SUSD4: variants seen among roughly 807,000 people sequenced by gnomAD.
The protein encoded by SUSD4 is sushi domain containing 4.
A neutral mutation model predicts 50.5 loss-of-function variants in SUSD4; 41 were observed. The observed-to-expected ratio is 0.81, with a 90% CI of 0.63 to 1.05. The LOEUF (loss-of-function observed/expected upper bound fraction) is 1.05. Ranked by LOEUF, SUSD4 falls within the 50% of genes least tolerant of loss-of-function variation. SUSD4 has a pLI of 0.00. For missense variants in SUSD4, 580 were observed against 634.7 expected (o/e 0.91, Z 0.93); for synonymous variants, 257 against 257.3 (o/e 1.00, Z 0.01).
intron 2 of SUSD4, among the ~76,000 whole-genome samples, chr1:223,338,054 C>T (rs1399811412): frequency 6.6e-6 from 1 of 152,170 alleles, no homozygotes; most frequent in Non-Finnish European, 1.5e-5. Flanking sequence ...ATCTGCCAGG[C>T]TAATGCAAAA....
intron 2 of SUSD4, among the ~76,000 whole-genome samples, chr1:223,343,717 A>C (rs777044072): frequency 5.9e-5 from 9 of 152,210 alleles, no homozygotes; most frequent in African/African-American, 9.7e-5. Context: ...AAAATTCAAC[A>C]ATGAATATGC....
At chr1:223,235,072 G>A in intron 5 of SUSD4, 16 of 1,606,290 alleles carry the variant, frequency 1.0e-5, no homozygotes, top group Middle Eastern at 3.3e-4. Flanking sequence ...GGAAATAAAG[G>A]ACAGGGAAAA....
chr1:223,239,939 A>T (rs1660467860), intron 5 of SUSD4, among the ~76,000 whole-genome samples: 1 of 152,042 alleles, frequency 6.6e-6, no homozygotes, highest in African/African-American at 2.4e-5. Flanking sequence ...TCTCTAAAGA[A>T]CTTCTTTTAA....
At chr1:223,225,434 C>A (rs1659453328) in intron 7 of SUSD4, among the ~76,000 whole-genome samples, 1 of 152,152 alleles carries the variant, frequency 6.6e-6, no homozygotes, top group Admixed American at 6.5e-5. Flanking sequence ...CCTTGTCCCG[C>A]AGCTCTTAAA....
At position 223,359,473 on chromosome 1, in the gene SUSD4, C is replaced by T. The variant is rs182084032; in HGVS notation, c.148+3805G>A. ...CTAGAGCCTTTCCTGATTTTCCTTC[C>T]AACCTCATAGGCTACCATTAATTGG... On this transcript the variant is annotated intron_variant, in intron 2 of 8. Transcript: ENST00000366878. 3.7e-4 allele frequency among the ~76,000 whole-genome samples: 56 copies of T among 152,316 alleles called. 1 individual carries two copies. The highest frequency in any genetic ancestry group is 1.7e-3 in the Admixed American group (26 of 15,304).
intron 2 of SUSD4, among the ~76,000 whole-genome samples, chr1:223,342,539 C>T (rs878974706): frequency 7.2e-5 from 11 of 152,130 alleles, no homozygotes; most frequent in African/African-American, 2.7e-4. Flanking sequence ...TAGTGTGGTT[C>T]TGGCACAGGA....
chr1:223,276,672 T>C (rs574572553), intron 3 of SUSD4, among the ~76,000 whole-genome samples: 44 of 152,360 alleles, frequency 2.9e-4, no homozygotes, highest in Admixed American at 2.9e-3. Flanking sequence ...AGGGAGCAAG[T>C]ACAGGATAGC....
At chr1:223,239,108 T>A (rs2103018324) in intron 5 of SUSD4, among the ~76,000 whole-genome samples, 1 of 152,198 alleles carries the variant, frequency 6.6e-6, no homozygotes, top group South Asian at 2.1e-4. Context: ...ATAACTTTCC[T>A]TGCTATAAAG....
In SUSD4 at chr1:223,226,305, C is replaced by T. The variant is rs75244452; in HGVS notation, c.1061+1289G>A. ...AGGAAGGAAGGTTTCAGCATCTTAG[C>T]AAGAGCTTGCTATGGCACCAGGATG... On this transcript the variant is annotated intron_variant, in intron 7 of 8. Transcript: ENST00000366878. Among the ~76,000 whole-genome samples the T allele has an allele frequency of 4.7e-3, 715 of 152,324 alleles. 27 individuals are homozygous for T. In the East Asian group the frequency reaches 0.096, roughly 20 times the overall value.
At chr1:223,252,116 G>A (rs1661354909) in intron 5 of SUSD4, among the ~76,000 whole-genome samples, 1 of 149,604 alleles carries the variant, frequency 6.7e-6, no homozygotes, top group African/African-American at 2.5e-5. Flanking sequence ...TATACCTAAT[G>A]TAAACGACGA....
intron 3 of SUSD4, among the ~76,000 whole-genome samples, chr1:223,284,454 A>T (rs1279483749): frequency 6.6e-6 from 1 of 152,244 alleles, no homozygotes; most frequent in African/African-American, 2.4e-5. Flanking sequence ...TGGGAAATTC[A>T]GCCTCTCAGA....
chr1:223,275,891 G>A lies in SUSD4; in HGVS notation c.362-7216C>T, dbSNP rs1298082146. ...AGGTGTCTCAGACAAATGTAATAAA[G>A]AAAAACAGAACCTAATCCGCGCAAG... On this transcript the variant is annotated intron_variant, in intron 3 of 8. Coordinates refer to ENST00000366878, the MANE Select transcript of SUSD4 (RefSeq NM_017982.4). Among the ~76,000 whole-genome samples the A allele has an allele frequency of 8.5e-5, 13 of 152,206 alleles. No individual in the cohort carries two copies. In the East Asian group the frequency reaches 1.5e-3, roughly 18 times the overall value.
chr1:223,279,946 A>G (rs1167882550), intron 3 of SUSD4, among the ~76,000 whole-genome samples: 1 of 152,192 alleles, frequency 6.6e-6, no homozygotes, highest in African/African-American at 2.4e-5. Context: ...ATTCTTAAAG[A>G]AAAGAATTTT....
chr1:223,339,126 C>T (rs61838241), intron 2 of SUSD4, among the ~76,000 whole-genome samples: 6 of 151,818 alleles, frequency 4.0e-5, no homozygotes, highest in Non-Finnish European at 7.4e-5. Flanking sequence ...AGGAGGAGAC[C>T]GTTTCAAGAA....
intron 2 of SUSD4, among the ~76,000 whole-genome samples, chr1:223,297,304 C>T (rs576751895): frequency 6.6e-6 from 1 of 152,304 alleles, no homozygotes; most frequent in South Asian, 2.1e-4. Context: ...GAGGCAGCTG[C>T]TCATGGACTA....
In SUSD4 at chr1:223,231,432, A is replaced by G. The variant is rs976618018; in HGVS notation, c.725-2044T>C. Among the ~76,000 whole-genome samples, 1 of 152,186 alleles carries G rather than the reference A, an allele frequency of 6.6e-6. No homozygotes were observed. Among genetic ancestry groups the G allele is most frequent in the African/African-American group, 2.4e-5 (1 of 41,442 alleles). ...CCCACAGGTGGACACTGGCAGAGACAGGCTTTGAGCTCTGACTCTGAGGCC... is the reference window on the plus strand; with the variant it reads ...CCCACAGGTGGACACTGGCAGAGACGGGCTTTGAGCTCTGACTCTGAGGCC... On this transcript the variant is annotated intron_variant, in intron 5 of 8. Transcript: ENST00000366878. The surrounding 1 kb of genome is among the most constrained non-coding windows in gnomAD (Gnocchi z 4.2).
intron 2 of SUSD4, among the ~76,000 whole-genome samples, chr1:223,351,117 G>A (rs1397280114): frequency 6.6e-6 from 1 of 152,220 alleles, no homozygotes; most frequent in East Asian, 1.9e-4. Context: ...TACAGAAGAG[G>A]AAACTGAGGC....
chr1:223,286,991 A>G (rs1318116903), intron 3 of SUSD4, among the ~76,000 whole-genome samples: 1 of 152,190 alleles, frequency 6.6e-6, no homozygotes, highest in African/African-American at 2.4e-5. Context: ...TTTGAGCCAG[A>G]GCCTGTGGCT....
chr1:223,221,905 C>A lies in SUSD4; in HGVS notation c.*287G>T. ...GATGTGCGTGGAATTGTCCCATGTT[C>A]CACAGCACGATACACATTTAACACC... On this transcript the variant is annotated 3_prime_UTR_variant, in exon 9 of 9. Transcript: ENST00000366878. 2.7e-6 allele frequency: 1 copy of A among 365,810 alleles called. No individual in the cohort carries two copies. Among genetic ancestry groups the A allele is most frequent in the Non-Finnish European group, 4.9e-6 (1 of 204,680 alleles). 22.7% of individuals were successfully genotyped at this position (365,810 alleles called of 1,614,324 possible). A position where few individuals can be genotyped will look rare whatever the true frequency, so the allele number is the denominator to read the frequency against.
Sources: gnomAD v4.1 joint callset for allele counts (sites outside exome capture counted in the v4.1 genomes callset) on GRCh38, gnomAD v4.1.1 for gene constraint, Gnocchi (gnomAD v3.1) non-coding constraint, MANE v1.5 for transcripts, NCBI Gene and HGNC (gene_info 2026-07-23, HGNC 2026-07-21) for gene names.